Variants in PARK7 observed in about 807,000 individuals in gnomAD.
The protein encoded by PARK7 is Parkinson disease protein 7.
A neutral mutation model predicts 20.5 loss-of-function variants in PARK7; 14 were observed. The observed-to-expected ratio is 0.68, with a 90% confidence interval of 0.45 to 1.07. The LOEUF (loss-of-function observed/expected upper bound fraction) is 1.07. PARK7 is among the 50% of genes least tolerant of loss of function. The pLI, the probability that PARK7 is intolerant of heterozygous loss-of-function variation, is 0.00. For missense variants in PARK7, 234 were observed against 238.1 expected, an observed-to-expected ratio of 0.98 and a Z score of 0.11; for synonymous variants, 98 against 84.3, an observed-to-expected ratio of 1.16 and a Z score of -0.89.
intron 3 of PARK7, among the ~76,000 whole-genome samples, chr1:7,968,477 A>G (rs1343813472): frequency 1.3e-5 from 2 of 151,992 alleles, no homozygotes; most frequent in African/African-American, 4.8e-5. Flanking sequence ...AAGTTAAGAA[A>G]AATTTTTTGT....
intron 6 of PARK7, among the ~76,000 whole-genome samples, chr1:7,981,848 C>T (rs371720679): frequency 1.1e-4 from 17 of 151,216 alleles, no homozygotes; most frequent in African/African-American, 2.9e-4. Flanking sequence ...TTAGTAGAGA[C>T]GGGGTTTCAT....
chr1:7,971,919 G>A (rs765552863), intron 5 of PARK7: 13 of 151,916 alleles, frequency 8.6e-5, no homozygotes, highest in Non-Finnish European at 1.6e-4. Context: ...GGGGACACGA[G>A]CGAGACTTCG....
chr1:7,985,036 A>C lies in PARK7; in HGVS notation c.552A>C (p.Pro184=), dbSNP rs3203837. ...GKEVAAQVKA[P]LVLKD is the part of the protein sequence containing the mutation. ...AGGTGGCGGCTCAAGTGAAGGCTCC[A>C]CTTGTTCTTAAAGACTAGAGCAGCG... Residue 184 remains proline, a synonymous_variant, in exon 7 of 7, where the codon CCA becomes CCC. Coordinates refer to ENST00000338639, the MANE Select transcript of PARK7 (RefSeq NM_007262.5). 3.7e-6 allele frequency: 6 copies of C among 1,614,068 alleles called. No individual in the cohort carries two copies. In the Admixed American group the frequency reaches 6.7e-5, roughly 18 times the overall value.
At chr1:7,970,500 CT>C (rs1163994554) in intron 4 of PARK7, among the ~76,000 whole-genome samples, 2 of 152,150 alleles carry the variant, frequency 1.3e-5, no homozygotes, top group Non-Finnish European at 2.9e-5. Flanking sequence ...AGAGTTGGGG[CT>C]GCCAGAAGTA....
chr1:7,969,225 G>T, intron 3 of PARK7, 120 bp from the exon 4 acceptor site: 2 of 748,162 alleles, frequency 2.7e-6, no homozygotes, highest in East Asian at 2.7e-5. Flanking sequence ...TGTTCTATTG[G>T]CAGATAGGCT....
At chr1:7,969,752 A>G (rs1161727366) in intron 4 of PARK7, among the ~76,000 whole-genome samples, 1 of 152,038 alleles carries the variant, frequency 6.6e-6, no homozygotes, top group East Asian at 1.9e-4. Context: ...GCTAATTTTT[A>G]TATTTTTATT....
chr1:7,976,471 G>C (rs1368826909), intron 5 of PARK7, among the ~76,000 whole-genome samples: 1 of 152,176 alleles, frequency 6.6e-6, no homozygotes, highest in Non-Finnish European at 1.5e-5. Context: ...CGTTTTCAGT[G>C]AATACATTTA....
chr1:7,979,489 C>T (rs1422879670), intron 6 of PARK7, among the ~76,000 whole-genome samples: 1 of 152,068 alleles, frequency 6.6e-6, no homozygotes, highest in Non-Finnish European at 1.5e-5. Context: ...TCCTGAAAAT[C>T]CATGGTTTGT....
chr1:7,962,862 T>C lies in PARK7; in HGVS notation c.77T>C (p.Met26Thr). 1 of 1,613,484 alleles carries C rather than the reference T, an allele frequency of 6.2e-7. No homozygotes were observed. The highest frequency in any genetic ancestry group is 8.5e-7 in the Non-Finnish European group (1 of 1,179,734). ...GAGACGGTCATCCCTGTAGATGTCA[T>C]GAGGCGAGCTGGGGTAAGTCCCACA... ...EMETVIPVDV[M>T]RRAGIKVTVA... The change falls in exon 2 of 7, where the codon ATG becomes ACG. Residue 26 changes from methionine to threonine, a missense_variant. Coordinates refer to ENST00000338639, the MANE Select transcript of PARK7 (RefSeq NM_007262.5).
intron 5 of PARK7, among the ~76,000 whole-genome samples, chr1:7,977,175 T>A (rs1640601664): frequency 6.6e-6 from 1 of 152,138 alleles, no homozygotes; most frequent in African/African-American, 2.4e-5. Context: ...CTCCCCCTCC[T>A]TTGGACTCCT....
intron 6 of PARK7, among the ~76,000 whole-genome samples, chr1:7,979,912 T>G (rs893419767): frequency 2.6e-5 from 4 of 152,124 alleles, no homozygotes; most frequent in Non-Finnish European, 5.9e-5. Flanking sequence ...ATCCCAGCAC[T>G]TGGGGAGGCC....
At chr1:7,972,137 T>C (rs1640478779) in intron 5 of PARK7, among the ~76,000 whole-genome samples, 1 of 152,088 alleles carries the variant, frequency 6.6e-6, no homozygotes, top group Admixed American at 6.6e-5. Context: ...GTTCTCAATG[T>C]TCTTTTGGTG....
At chr1:7,964,075 A>C (rs966796028) in intron 2 of PARK7, among the ~76,000 whole-genome samples, 1 of 152,056 alleles carries the variant, frequency 6.6e-6, no homozygotes, top group African/African-American at 2.4e-5. Context: ...GGCCTCCCAA[A>C]GTGCTGTGAT....
chr1:7,978,259 G>T (rs1429977980), intron 6 of PARK7, among the ~76,000 whole-genome samples: 3 of 151,818 alleles, frequency 2.0e-5, no homozygotes, highest in Non-Finnish European at 4.4e-5. Context: ...GCCTCTGAAA[G>T]TGCTGGGATT....
Position 7,984,846 on chromosome 1 carries a change from C to A in PARK7, c.410-48C>A. On this transcript the variant is annotated intron_variant, in intron 6 of 6. Transcript: ENST00000338639. The surrounding 1 kb of genome is among the most constrained non-coding windows in gnomAD (Gnocchi z 4.3). Reference sequence around the variant, plus strand: ...TTAATTGGTAAGTAATCGTCTTTCTCGTCACATAGCCCATTAGGATGTCAC... The same window carrying A: ...TTAATTGGTAAGTAATCGTCTTTCTAGTCACATAGCCCATTAGGATGTCAC... The A allele has an allele frequency of 6.2e-7, 1 of 1,602,652 alleles. No homozygotes were observed. Among genetic ancestry groups the A allele is most frequent in the Non-Finnish European group, 8.5e-7 (1 of 1,170,080 alleles).
At chr1:7,973,833 G>A (rs1027560882) in intron 5 of PARK7, among the ~76,000 whole-genome samples, 4 of 151,702 alleles carry the variant, frequency 2.6e-5, no homozygotes, top group African/African-American at 9.7e-5. Flanking sequence ...GCTTGAACCC[G>A]GGAGGCGGAG....
chr1:7,975,484 T>C (rs1196446234), intron 5 of PARK7, among the ~76,000 whole-genome samples: 1 of 152,178 alleles, frequency 6.6e-6, no homozygotes, highest in Non-Finnish European at 1.5e-5. Flanking sequence ...GGGGACATGG[T>C]CAGCTGCGCC....
chr1:7,966,825 T>G (rs1640341074), intron 3 of PARK7, among the ~76,000 whole-genome samples: 1 of 152,220 alleles, frequency 6.6e-6, no homozygotes, highest in South Asian at 2.1e-4. Context: ...ATAATAAGTG[T>G]ACATATTCAT....
intron 3 of PARK7, among the ~76,000 whole-genome samples, chr1:7,965,718 A>G (rs1021304956): frequency 6.6e-6 from 1 of 152,122 alleles, no homozygotes; most frequent in African/African-American, 2.4e-5. Context: ...TTGTTTTCCC[A>G]TCAGTATTTT....
Sources: gnomAD v4.1 joint callset for allele counts (sites outside exome capture counted in the v4.1 genomes callset) on GRCh38, gnomAD v4.1.1 for gene constraint, Gnocchi (gnomAD v3.1) non-coding constraint, MANE v1.5 for transcripts, NCBI Gene and HGNC (gene_info 2026-07-23, HGNC 2026-07-21) for gene names.